The following FREM3 variants were observed in gnomAD, a reference collection of about 807,000 sequenced individuals.
FREM3 encodes FRAS1 related extracellular matrix 3.
Under a neutral mutation model 129.1 loss-of-function variants are expected in FREM3, and 105 were observed. The ratio of observed to expected loss-of-function variants is 0.81; its 90% CI spans 0.69 to 0.96. The LOEUF (loss-of-function observed/expected upper bound fraction) is 0.96, where lower values mean the gene tolerates loss of function less well. Among genes scored for constraint, FREM3 ranks in the 40% least tolerant of loss-of-function variants. The pLI is 0.00. For missense variants in FREM3, 2,593 were observed against 2,666.3 expected (o/e 0.97, Z 0.61); for synonymous variants, 1,014 against 1,044.9 (o/e 0.97, Z 0.57).
At chr4:143,682,688 C>G (rs866222588) in intron 2 of FREM3, among the ~76,000 whole-genome samples, 7 of 152,320 alleles carry the variant, frequency 4.6e-5, no homozygotes, top group South Asian at 4.2e-4. Context: ...AGTCACTACC[C>G]TTTACCATTA....
At chr4:143,641,309 A>G (rs531604949) in intron 2 of FREM3, among the ~76,000 whole-genome samples, 2 of 114,908 alleles carry the variant, frequency 1.7e-5, no homozygotes, top group South Asian at 5.8e-4. Context: ...GTCTACATGA[A>G]AAAAAGGAGA....
intron 6 of FREM3, among the ~76,000 whole-genome samples, chr4:143,608,454 T>C (rs1738701949): frequency 6.6e-6 from 1 of 152,196 alleles, no homozygotes; most frequent in African/African-American, 2.4e-5. Flanking sequence ...GCTTTATGCC[T>C]GTCTCTAGCT....
At chr4:143,686,764 A>C (rs1005993405) in intron 2 of FREM3, among the ~76,000 whole-genome samples, 3 of 152,208 alleles carry the variant, frequency 2.0e-5, no homozygotes, top group African/African-American at 7.2e-5. Flanking sequence ...AAATTAAAAA[A>C]TTCTTCGAAC....
intron 2 of FREM3, among the ~76,000 whole-genome samples, chr4:143,679,479 T>A (rs1316830427): frequency 6.6e-6 from 1 of 152,154 alleles, no homozygotes; most frequent in Non-Finnish European, 1.5e-5. Flanking sequence ...ATAGAAAATA[T>A]TTTTCTCATC....
chr4:143,652,150 T>C (rs898813009), intron 2 of FREM3, among the ~76,000 whole-genome samples: 2 of 32,434 alleles, frequency 6.2e-5, no homozygotes, highest in Non-Finnish European at 1.8e-4. Flanking sequence ...TCCTTTCTTT[T>C]TTTTTTTTTT....
In FREM3 at chr4:143,699,003, T is replaced by G; in HGVS notation, c.1673A>C (p.Gln558Pro). 1 of 1,537,320 alleles carries G rather than the reference T, an allele frequency of 6.5e-7. No homozygotes were observed. The highest frequency in any genetic ancestry group is 1.4e-5 in the African/African-American group (1 of 73,154). The change falls in exon 1 of 8, where the codon CAG (glutamine) becomes CCG (proline). Residue 558 changes from glutamine (Q) to proline (P), a missense_variant. Coordinates refer to ENST00000329798, the MANE Select transcript of FREM3 (RefSeq NM_001168235.2). The surrounding 1 kb of genome is among the most constrained non-coding windows in gnomAD (Gnocchi z 4.2). ...TACAAAGGGAGAGATCTGGACCACC[T>G]GCCCTTCAGTGAGTGAGAGTCCTGT... ...TNTGLSLTEG[Q>P]VVQISPFVLS...
At chr4:143,688,321 G>A (rs1236231118) in intron 2 of FREM3, among the ~76,000 whole-genome samples, 1 of 152,036 alleles carries the variant, frequency 6.6e-6, no homozygotes, top group African/African-American at 2.4e-5. Flanking sequence ...TAACCAAGGA[G>A]TCAAAAGACC....
At chr4:143,689,097 G>A (rs1046805864) in intron 2 of FREM3, among the ~76,000 whole-genome samples, 2 of 152,152 alleles carry the variant, frequency 1.3e-5, no homozygotes, top group African/African-American at 2.4e-5. Context: ...ACAACCCACA[G>A]AGTGGGAGAA....
At chr4:143,648,543 C>G (rs1739459753) in intron 2 of FREM3, among the ~76,000 whole-genome samples, 1 of 152,176 alleles carries the variant, frequency 6.6e-6, no homozygotes, top group Non-Finnish European at 1.5e-5. Flanking sequence ...ATGCTGTTCT[C>G]ATGATACTGA....
chr4:143,610,881 C>T (rs1429636575), intron 6 of FREM3, among the ~76,000 whole-genome samples: 1 of 152,124 alleles, frequency 6.6e-6, no homozygotes, highest in Non-Finnish European at 1.5e-5. Flanking sequence ...TCCATCTTAT[C>T]CTTGTGCTGC....
intron 2 of FREM3, among the ~76,000 whole-genome samples, chr4:143,676,340 A>C (rs1428338911): frequency 1.3e-5 from 2 of 151,740 alleles, no homozygotes; most frequent in Non-Finnish European, 3.0e-5. Flanking sequence ...AAAATTCAAC[A>C]ACCCTTCATG....
At chr4:143,651,785 T>G (rs1302910213) in intron 2 of FREM3, among the ~76,000 whole-genome samples, 1 of 152,170 alleles carries the variant, frequency 6.6e-6, no homozygotes, top group African/African-American at 2.4e-5. Flanking sequence ...CTTAAGTCAT[T>G]TATACTTCTT....
chr4:143,687,075 G>A (rs545874870), intron 2 of FREM3, among the ~76,000 whole-genome samples: 1 of 151,878 alleles, frequency 6.6e-6, no homozygotes, highest in African/African-American at 2.4e-5. Context: ...TCTTTGAAAA[G>A]ATAAATAAAA....
chr4:143,590,697 C>T (rs898982604), intron 6 of FREM3, among the ~76,000 whole-genome samples: 4 of 152,116 alleles, frequency 2.6e-5, no homozygotes, highest in African/African-American at 7.2e-5. Context: ...GTCTAAAATT[C>T]TCTTTTTTTG....
intron 2 of FREM3, among the ~76,000 whole-genome samples, chr4:143,680,363 A>C (rs1740228269): frequency 6.6e-6 from 1 of 151,998 alleles, no homozygotes; most frequent in Admixed American, 6.6e-5. Flanking sequence ...TTCATTTAAC[A>C]GTACATTCTG....
At chr4:143,599,998 G>T (rs80077470) in intron 6 of FREM3, among the ~76,000 whole-genome samples, 2 of 152,190 alleles carry the variant, frequency 1.3e-5, no homozygotes, top group African/African-American at 2.4e-5. Flanking sequence ...TAAAAATCTA[G>T]TGGTTGGTCT....
intron 6 of FREM3, among the ~76,000 whole-genome samples, chr4:143,602,350 C>T (rs144669327): frequency 2.0e-5 from 3 of 152,180 alleles, no homozygotes; most frequent in East Asian, 1.9e-4. Context: ...GATATAATTA[C>T]GTGGGAAGTG....
At chr4:143,678,697 C>T (rs895860587) in intron 2 of FREM3, among the ~76,000 whole-genome samples, 1 of 151,650 alleles carries the variant, frequency 6.6e-6, no homozygotes, top group Non-Finnish European at 1.5e-5. Context: ...CCACAGTCAG[C>T]CAAGATTAAA....
chr4:143,674,944 G>C (rs1345949556), intron 2 of FREM3, among the ~76,000 whole-genome samples: 7 of 152,152 alleles, frequency 4.6e-5, no homozygotes, highest in Admixed American at 4.6e-4. Flanking sequence ...ATAATAATGG[G>C]AGACTTTAAC....
Sources: allele counts gnomAD v4.1 joint callset (sites outside exome capture counted in the v4.1 genomes callset), GRCh38; gene constraint gnomAD v4.1.1; non-coding constraint Gnocchi (gnomAD v3.1); transcripts MANE v1.5; gene names NCBI Gene and HGNC (gene_info 2026-07-23, HGNC 2026-07-21).